Variants in ARPP21 observed in about 807,000 individuals in gnomAD.
ARPP21 encodes the protein cAMP regulated phosphoprotein 21, also known as cAMP-regulated phosphoprotein 21.
In ARPP21, 69 loss-of-function variants were observed where a neutral mutation model predicts 113.2. The ratio of observed to expected loss-of-function variants is 0.61; its 90% CI spans 0.50 to 0.74. ARPP21 has a LOEUF of 0.74. ARPP21 is among the 30% of genes least tolerant of loss of function. The probability of loss-of-function intolerance (pLI) is 0.00; values close to 1 mark genes in which losing one functional copy is unlikely to be tolerated. For missense variants in ARPP21, 1,070 were observed against 1,037.4 expected, an observed-to-expected ratio of 1.03 and a Z score of -0.43; for synonymous variants, 368 against 375.5, an observed-to-expected ratio of 0.98 and a Z score of 0.23.
In ARPP21 at chr3:35,640,636, G is replaced by C. The variant is rs1667091406; in HGVS notation, c.-213+238G>C. The stretch of plus-strand genomic sequence containing the variant: ...GACAGAAATGGAAAGCTGGAAGTTG[G>C]CAATGATTTTCATCAGAGAAGTCTA... On this transcript the variant is annotated intron_variant, in intron 1 of 20. Coordinates refer to ENST00000684406, the MANE Select transcript of ARPP21 (RefSeq NM_001385562.1). Among the ~76,000 whole-genome samples the C allele has an allele frequency of 2.0e-5, 3 of 152,160 alleles. No individual in the cohort carries two copies. In the South Asian group the frequency reaches 6.2e-4, roughly 32 times the overall value.
At chr3:35,642,787 T>A (rs1698620605) in intron 1 of ARPP21, among the ~76,000 whole-genome samples, 1 of 152,184 alleles carries the variant, frequency 6.6e-6, no homozygotes, top group Admixed American at 6.5e-5. Flanking sequence ...CCTTGTGAAT[T>A]GCTTCATTTT....
chr3:35,778,099 C>G (rs2096424335), intron 19 of ARPP21, among the ~76,000 whole-genome samples: 1 of 152,124 alleles, frequency 6.6e-6, no homozygotes, highest in Admixed American at 6.5e-5. Flanking sequence ...TCTCTAAAAC[C>G]AAGAGACAGT....
rs1701222696 is a variant in ARPP21 at position 35,648,725 on chromosome 3, G to A, written c.-213+8327G>A. ...CCCTATCAAAAAATTGAGAGCCACAGATAGTATTCAACACAGGAGAAGGTG... is the reference window on the plus strand; with the variant it reads ...CCCTATCAAAAAATTGAGAGCCACAAATAGTATTCAACACAGGAGAAGGTG... On this transcript the variant is annotated intron_variant, in intron 1 of 20. Coordinates refer to ENST00000684406, the MANE Select transcript of ARPP21 (RefSeq NM_001385562.1). Among the ~76,000 whole-genome samples, 3 of 152,162 alleles carry A rather than the reference G, an allele frequency of 2.0e-5. No individual in the cohort carries two copies. The South Asian group carries it at 6.2e-4, about 32-fold the overall frequency.
At chr3:35,720,532 CATT>C (rs1378190413) in intron 13 of ARPP21, among the ~76,000 whole-genome samples, 1 of 152,142 alleles carries the variant, frequency 6.6e-6, no homozygotes, top group African/African-American at 2.4e-5. Flanking sequence ...AAATATGTCT[CATT>C]GTTAATATGA....
At chr3:35,783,986 T>G (rs1188701309) in intron 19 of ARPP21, among the ~76,000 whole-genome samples, 2 of 152,144 alleles carry the variant, frequency 1.3e-5, no homozygotes, top group African/African-American at 4.8e-5. Flanking sequence ...CCTGGAAGCT[T>G]TCCACTGCAT....
At chr3:35,768,907 T>C (rs1220970889) in intron 19 of ARPP21, among the ~76,000 whole-genome samples, 2 of 152,192 alleles carry the variant, frequency 1.3e-5, no homozygotes, top group African/African-American at 4.8e-5. Flanking sequence ...ATTAGAAATG[T>C]TATATGTTAC....
chr3:35,764,369 T>C (rs2095878142), intron 19 of ARPP21, among the ~76,000 whole-genome samples: 1 of 152,210 alleles, frequency 6.6e-6, no homozygotes, highest in Non-Finnish European at 1.5e-5. Flanking sequence ...TGCTGACAGC[T>C]TGCACTAAAA....
chr3:35,643,811 T>C (rs930032680), intron 1 of ARPP21: 4 of 152,054 alleles, frequency 2.6e-5, no homozygotes, highest in African/African-American at 9.7e-5. Flanking sequence ...ATGAAAGCCA[T>C]TTCTTCTTAT....
At chr3:35,709,132 A>C in intron 11 of ARPP21, 62 bp downstream of exon 11, 52 of 1,159,840 alleles carry the variant, frequency 4.5e-5, no homozygotes, top group Non-Finnish European at 6.2e-5. Context: ...AGGCTTCCTC[A>C]TTCCCCAGAC....
chr3:35,766,908 T>A (rs943465216), intron 19 of ARPP21, among the ~76,000 whole-genome samples: 2 of 152,126 alleles, frequency 1.3e-5, no homozygotes, highest in African/African-American at 4.8e-5. Flanking sequence ...GGCAATGGTG[T>A]GAGCTTACCA....
At chr3:35,680,191 A>C (rs1240237699) in intron 2 of ARPP21, among the ~76,000 whole-genome samples, 2 of 151,910 alleles carry the variant, frequency 1.3e-5, no homozygotes, top group East Asian at 3.9e-4. Context: ...TTAGGGCAAC[A>C]GAAGTCCCCT....
intron 1 of ARPP21, among the ~76,000 whole-genome samples, chr3:35,646,087 C>T (rs2148900389): frequency 6.6e-6 from 1 of 152,116 alleles, no homozygotes; most frequent in South Asian, 2.1e-4. Context: ...TTCAGATTAT[C>T]TCACTACTGT....
intron 11 of ARPP21, among the ~76,000 whole-genome samples, chr3:35,711,149 G>A (rs558930134): frequency 1.1e-4 from 17 of 152,182 alleles, no homozygotes; most frequent in African/African-American, 3.1e-4. Context: ...CAGCTCTTCC[G>A]GCTTTACTAA....
chr3:35,777,404 A>G (rs1423538000), intron 19 of ARPP21, among the ~76,000 whole-genome samples: 3 of 152,190 alleles, frequency 2.0e-5, no homozygotes, highest in African/African-American at 7.2e-5. Context: ...AACTTCCCAG[A>G]GTCTCACAGA....
chr3:35,769,446 G>A (rs569729850), intron 19 of ARPP21, among the ~76,000 whole-genome samples: 1 of 152,240 alleles, frequency 6.6e-6, no homozygotes, highest in Non-Finnish European at 1.5e-5. Flanking sequence ...TAGCTTTGTG[G>A]TTCCAAAGGA....
At chr3:35,743,549 C>T (rs952258931) in intron 18 of ARPP21, among the ~76,000 whole-genome samples, 2 of 152,134 alleles carry the variant, frequency 1.3e-5, no homozygotes, top group Admixed American at 6.5e-5. Context: ...CGCCTACAGA[C>T]GTGGAAGCTG....
At chr3:35,737,809 A>G (rs1261759649) in intron 16 of ARPP21, among the ~76,000 whole-genome samples, 2 of 152,176 alleles carry the variant, frequency 1.3e-5, no homozygotes, top group Non-Finnish European at 2.9e-5. Flanking sequence ...CTGTTCCTAC[A>G]TACTCCTCTT....
chr3:35,682,964 T>A, intron 4 of ARPP21, 75 bp downstream of exon 4: 1 of 1,366,790 alleles, frequency 7.3e-7, no homozygotes, highest in Non-Finnish European at 1.0e-6. Flanking sequence ...AGTTAAAGGA[T>A]TTGCCAGCAT....
At chr3:35,673,012 T>TCAAAAAAACTC (rs2076714169) in intron 1 of ARPP21, among the ~76,000 whole-genome samples, 1 of 152,076 alleles carries the variant, frequency 6.6e-6, no homozygotes, top group African/African-American at 2.4e-5. Context: ...ATAATCTACG[T>TCAAAAAAACTC]AGAAAACTCA....
Sources: allele counts gnomAD v4.1 joint callset (sites outside exome capture counted in the v4.1 genomes callset), GRCh38; gene constraint gnomAD v4.1.1; transcripts MANE v1.5; gene names NCBI Gene and HGNC (gene_info 2026-07-23, HGNC 2026-07-21).